Variants in LPGAT1 observed in about 807,000 individuals in gnomAD.
The protein encoded by LPGAT1 is acyl-CoA:lysophosphatidylglycerol acyltransferase 1.
LPGAT1 carries 11 observed loss-of-function variants against 47.5 expected under a neutral mutation model. That is an observed-to-expected ratio of 0.23 (90% CI 0.15 to 0.38). The LOEUF (loss-of-function observed/expected upper bound fraction) is 0.38. LPGAT1 is among the 10% of genes least tolerant of loss of function. The pLI is 1.00. For missense variants in LPGAT1, 293 were observed against 439.0 expected (o/e 0.67, Z 2.97); for synonymous variants, 138 against 144.2 (o/e 0.96, Z 0.31).
At chr1:211,817,761 T>C (rs1447277529) in intron 2 of LPGAT1, among the ~76,000 whole-genome samples, 2 of 152,182 alleles carry the variant, frequency 1.3e-5, no homozygotes, top group African/African-American at 2.4e-5. Flanking sequence ...TGCTTCATTT[T>C]TTCGTTCCTA....
chr1:211,830,456 G>T lies in LPGAT1; in HGVS notation c.-28+117C>A. On this transcript the variant is annotated intron_variant, in intron 1 of 7. Coordinates refer to ENST00000366997, the MANE Select transcript of LPGAT1 (RefSeq NM_014873.3). The surrounding 1 kb of genome is among the most constrained non-coding windows in gnomAD (Gnocchi z 5.9). ...GGCCTACCGCGCCCTCGTCCCTCAGGCCGCTGCCGCCTCCCCGGGCCACGC... is the reference window on the plus strand; with the variant it reads ...GGCCTACCGCGCCCTCGTCCCTCAGTCCGCTGCCGCCTCCCCGGGCCACGC... 1 of 1,179,990 alleles carries T rather than the reference G, an allele frequency of 8.5e-7. No homozygotes were observed. Among genetic ancestry groups the T allele is most frequent in the South Asian group, 4.3e-5 (1 of 23,110 alleles). The allele number at this position is 1,179,990 out of a possible 1,614,324, so 73.1% of individuals were successfully genotyped here.
intron 2 of LPGAT1, among the ~76,000 whole-genome samples, chr1:211,812,750 G>A (rs1660032490): frequency 6.6e-6 from 1 of 152,196 alleles, no homozygotes. Flanking sequence ...AGAAAGGGCA[G>A]TAATGTGACC....
Position 211,812,173 on chromosome 1 carries a change from C to G in LPGAT1, c.238+16886G>C, listed in dbSNP as rs530976880. Reference sequence around the variant, plus strand: ...GCATTACTGGTTATCTGTGTTGGCACAGAAGTTAGTCTCCCTACTGCAGAA... The same window carrying G: ...GCATTACTGGTTATCTGTGTTGGCAGAGAAGTTAGTCTCCCTACTGCAGAA... On this transcript the variant is annotated intron_variant, in intron 2 of 7. Coordinates refer to ENST00000366997, the MANE Select transcript of LPGAT1 (RefSeq NM_014873.3). Among the ~76,000 whole-genome samples the G allele has an allele frequency of 1.2e-4, 19 of 152,324 alleles. No homozygotes were observed. The South Asian group carries it at 3.1e-3, about 25-fold the overall frequency.
In LPGAT1 at chr1:211,830,418, GC is replaced by G; in HGVS notation, c.-28+154del. ...AGGCGGGCGGATGCCCCGCGCCCCCGCCTCCTCCCCGGGGCCTACCGCGCCC... is the reference window on the plus strand; with the variant it reads ...AGGCGGGCGGATGCCCCGCGCCCCCGCTCCTCCCCGGGGCCTACCGCGCCC... On this transcript the variant is annotated intron_variant, in intron 1 of 7. Coordinates refer to ENST00000366997, the MANE Select transcript of LPGAT1 (RefSeq NM_014873.3). This position sits in a 1 kb window ranked among gnomAD's most constrained non-coding sequence, Gnocchi z 5.9. 1 of 1,168,750 alleles carries G rather than the reference GC, an allele frequency of 8.6e-7. No homozygotes were observed. The highest frequency in any genetic ancestry group is 3.8e-5 in the East Asian group (1 of 26,352). The allele number at this position is 1,168,750 out of a possible 1,614,324, so 72.4% of individuals were successfully genotyped here.
At chr1:211,751,572 T>G (rs1293563995) in intron 6 of LPGAT1, among the ~76,000 whole-genome samples, 1 of 152,052 alleles carries the variant, frequency 6.6e-6, no homozygotes, top group Non-Finnish European at 1.5e-5. Context: ...AGGGGTAACT[T>G]TTACCGGTTG....
chr1:211,809,873 G>T (rs2102585412), intron 2 of LPGAT1, among the ~76,000 whole-genome samples: 1 of 152,136 alleles, frequency 6.6e-6, no homozygotes, highest in Admixed American at 6.5e-5. Context: ...TTCCTAAAAT[G>T]AGTAAATGGA....
At chr1:211,793,237 T>C (rs1401790226) in intron 2 of LPGAT1, 47 bp from the exon 3 acceptor site, 7 of 1,235,784 alleles carry the variant, frequency 5.7e-6, no homozygotes, top group Middle Eastern at 1.9e-4. Context: ...AAGATTTTTA[T>C]ATTATCACAA....
At chr1:211,824,153 T>C (rs1173552454) in intron 2 of LPGAT1, among the ~76,000 whole-genome samples, 1 of 152,094 alleles carries the variant, frequency 6.6e-6, no homozygotes, top group Admixed American at 6.5e-5. Context: ...ATCCCAGCAC[T>C]GTGGGAGCCA....
intron 6 of LPGAT1, among the ~76,000 whole-genome samples, chr1:211,776,306 G>A (rs1658396621): frequency 6.6e-6 from 1 of 152,180 alleles, no homozygotes; most frequent in Admixed American, 6.5e-5. Context: ...GAAGGCCGAG[G>A]CTGGCAGATC....
chr1:211,784,993 T>A (rs569163583), intron 4 of LPGAT1, among the ~76,000 whole-genome samples: 4 of 151,970 alleles, frequency 2.6e-5, no homozygotes, highest in Admixed American at 1.3e-4. Flanking sequence ...TTAGTAGAGA[T>A]GGGATTTCAC....
chr1:211,790,923 T>C (rs1659085356), intron 3 of LPGAT1, among the ~76,000 whole-genome samples: 1 of 152,188 alleles, frequency 6.6e-6, no homozygotes, highest in Non-Finnish European at 1.5e-5. Flanking sequence ...ATAAATGTAA[T>C]GATCCTATCT....
intron 2 of LPGAT1, among the ~76,000 whole-genome samples, chr1:211,820,790 A>T (rs1571768676): frequency 6.6e-6 from 1 of 152,174 alleles, no homozygotes; most frequent in South Asian, 2.1e-4. Context: ...ATATTTAAAG[A>T]TATGATTAAA....
At chr1:211,779,481 T>C (rs935228320) in intron 5 of LPGAT1, among the ~76,000 whole-genome samples, 6 of 152,174 alleles carry the variant, frequency 3.9e-5, no homozygotes, top group African/African-American at 1.4e-4. Flanking sequence ...ATACTGAGGA[T>C]GGGCATTAAT....
chr1:211,799,955 A>G (rs1659505625), intron 2 of LPGAT1, among the ~76,000 whole-genome samples: 1 of 152,030 alleles, frequency 6.6e-6, no homozygotes, highest in Middle Eastern at 3.2e-3. Flanking sequence ...TCCACATTCA[A>G]TCCATCTCTA....
chr1:211,793,382 C>T (rs1659216967), intron 2 of LPGAT1, 192 bp from the exon 3 acceptor site: 1 of 237,916 alleles, frequency 4.2e-6, no homozygotes, highest in African/African-American at 2.3e-5. Flanking sequence ...CCCAAATATA[C>T]ATTAAAATAT....
intron 2 of LPGAT1, among the ~76,000 whole-genome samples, chr1:211,811,585 C>T (rs1194630267): frequency 1.3e-5 from 2 of 152,076 alleles, no homozygotes; most frequent in African/African-American, 2.4e-5. Flanking sequence ...GATGAAACTC[C>T]GTCTCTACAA....
At position 211,830,344 on chromosome 1, in the gene LPGAT1, G is replaced by C. The variant is rs1419909053; in HGVS notation, c.-28+229C>G. On this transcript the variant is annotated intron_variant, in intron 1 of 7. Transcript: ENST00000366997. The surrounding 1 kb of genome is among the most constrained non-coding windows in gnomAD (Gnocchi z 5.9). ...CCTCGCGGCTGCCTGCGGACAGAGG[G>C]ACGGCGGGGACTCAGAGGCCGGACC... is the stretch of plus-strand genomic sequence containing the variant. 3 of 1,143,236 alleles carry C rather than the reference G, an allele frequency of 2.6e-6. No individual in the cohort carries two copies. The highest frequency in any genetic ancestry group is 3.2e-6 in the Non-Finnish European group (3 of 931,382). The allele number at this position is 1,143,236 out of a possible 1,614,324, so 70.8% of individuals were successfully genotyped here.
At chr1:211,760,411 C>T (rs748648806) in intron 6 of LPGAT1, among the ~76,000 whole-genome samples, 29 of 152,234 alleles carry the variant, frequency 1.9e-4, no homozygotes, top group Admixed American at 2.6e-4. Flanking sequence ...GCCGAGATTG[C>T]ATCACTGCAC....
At chr1:211,799,201 G>A (rs1278822218) in intron 2 of LPGAT1, among the ~76,000 whole-genome samples, 3 of 151,944 alleles carry the variant, frequency 2.0e-5, no homozygotes, top group African/African-American at 4.8e-5. Context: ...GAGAAAGCAA[G>A]GCTCAAGAGG....
Sources: allele counts gnomAD v4.1 joint callset (sites outside exome capture counted in the v4.1 genomes callset), GRCh38; gene constraint gnomAD v4.1.1; non-coding constraint Gnocchi (gnomAD v3.1); transcripts MANE v1.5; gene names NCBI Gene and HGNC (gene_info 2026-07-23, HGNC 2026-07-21).